Variants in RAD51B observed in about 807,000 individuals in gnomAD.
RAD51B encodes the protein DNA repair protein RAD51 homolog 2.
In RAD51B, 38 loss-of-function variants were observed where a neutral mutation model predicts 42.2. That is an observed-to-expected ratio of 0.90 (90% confidence interval 0.70 to 1.18). RAD51B has a LOEUF of 1.18. RAD51B is among the 50% of genes most tolerant of loss of function. RAD51B has a pLI of 0.00. For synonymous variants in RAD51B, 154 were observed against 145.2 expected (o/e 1.06, Z -0.43); for missense variants, 373 against 400.7 (o/e 0.93, Z 0.59).
chr14:68,396,507 A>G (rs1376344738), intron 8 of RAD51B, among the ~76,000 whole-genome samples: 1 of 152,214 alleles, frequency 6.6e-6, no homozygotes, highest in African/African-American at 2.4e-5. Context: ...GAAACATCCT[A>G]AGATACAGAA....
chr14:68,634,699 G>A (rs921906194), intron 10 of RAD51B, among the ~76,000 whole-genome samples: 3 of 152,184 alleles, frequency 2.0e-5, no homozygotes, highest in African/African-American at 7.2e-5. Context: ...GGGTGAGACG[G>A]AGGTGGAGCC....
intron 7 of RAD51B, among the ~76,000 whole-genome samples, chr14:67,890,409 T>C (rs1025107978): frequency 6.6e-6 from 1 of 151,836 alleles, no homozygotes; most frequent in Non-Finnish European, 1.5e-5. Context: ...CAGAATTTTC[T>C]TTTTTTCTGA....
At chr14:68,346,887 T>C (rs1302169254) in intron 8 of RAD51B, among the ~76,000 whole-genome samples, 1 of 152,144 alleles carries the variant, frequency 6.6e-6, no homozygotes, top group Non-Finnish European at 1.5e-5. Context: ...TAGGATAGTT[T>C]ACATTTTTGG....
chr14:67,955,679 CAT>C (rs952991959), intron 7 of RAD51B, among the ~76,000 whole-genome samples: 13 of 152,122 alleles, frequency 8.5e-5, no homozygotes, highest in African/African-American at 2.9e-4. Context: ...AAAAATAAAA[CAT>C]ATTAGATTCT....
chr14:67,968,242 CTG>C (rs151267899), intron 7 of RAD51B, among the ~76,000 whole-genome samples: 55 of 152,294 alleles, frequency 3.6e-4, no homozygotes, highest in African/African-American at 1.3e-3. Context: ...GCTTCTGGGT[CTG>C]TGATGAGAGG....
In RAD51B at chr14:68,651,899, G is replaced by A. The variant is rs2064826; in HGVS notation, c.*11+1043G>A. On this transcript the variant is annotated intron_variant, in intron 11 of 11. Transcript: ENST00000488612. ...TCCAGCAAGGACCCTGAATCATCCCGGAACCGTCTTGGTGCTGTGGTAGAC... is the reference window on the plus strand; with the variant it reads ...TCCAGCAAGGACCCTGAATCATCCCAGAACCGTCTTGGTGCTGTGGTAGAC... Among the ~76,000 whole-genome samples the A allele has an allele frequency of 1.4e-3, 209 of 152,228 alleles. 2 individuals carry two copies. Among genetic ancestry groups the A allele is most frequent in the African/African-American group, 4.8e-3 (199 of 41,532 alleles).
chr14:68,578,596 CT>C (rs1189827718), intron 10 of RAD51B, among the ~76,000 whole-genome samples: 4 of 152,154 alleles, frequency 2.6e-5, no homozygotes, highest in Non-Finnish European at 5.9e-5. Flanking sequence ...TCCTGAATGT[CT>C]TTGGATAGCC....
intron 7 of RAD51B, among the ~76,000 whole-genome samples, chr14:67,909,798 A>G (rs1254753098): frequency 6.6e-6 from 1 of 152,096 alleles, no homozygotes; most frequent in Non-Finnish European, 1.5e-5. Flanking sequence ...CTACAGGCAC[A>G]CACCACACAC....
chr14:68,309,474 A>C (rs539408999), intron 8 of RAD51B, among the ~76,000 whole-genome samples: 1 of 152,318 alleles, frequency 6.6e-6, no homozygotes, highest in South Asian at 2.1e-4. Flanking sequence ...AAGAAAAATC[A>C]CGGAGAGGTA....
At chr14:68,154,452 C>G (rs1038831013) in intron 7 of RAD51B, among the ~76,000 whole-genome samples, 1 of 152,210 alleles carries the variant, frequency 6.6e-6, no homozygotes, top group Non-Finnish European at 1.5e-5. Flanking sequence ...CCTCTCAGAG[C>G]ATTCTTTCTC....
chr14:68,360,885 A>G (rs781533976), intron 8 of RAD51B, among the ~76,000 whole-genome samples: 1 of 152,220 alleles, frequency 6.6e-6, no homozygotes, highest in Non-Finnish European at 1.5e-5. Context: ...TCTAATGATG[A>G]CAGACTGAGG....
At chr14:68,033,915 G>A (rs2076083673) in intron 7 of RAD51B, among the ~76,000 whole-genome samples, 1 of 152,134 alleles carries the variant, frequency 6.6e-6, no homozygotes, top group South Asian at 2.1e-4. Context: ...GAAGGTAGTT[G>A]ATATTGACTG....
chr14:68,164,420 T>C (rs1205408659), intron 7 of RAD51B, among the ~76,000 whole-genome samples: 2 of 152,182 alleles, frequency 1.3e-5, no homozygotes, highest in African/African-American at 4.8e-5. Context: ...GTGAAAACTA[T>C]ACTTATTTTA....
chr14:67,984,567 T>G (rs2075150643), intron 7 of RAD51B, among the ~76,000 whole-genome samples: 1 of 152,222 alleles, frequency 6.6e-6, no homozygotes, highest in African/African-American at 2.4e-5. Context: ...TTTTTCTGTT[T>G]CTTTGCCTTT....
chr14:68,440,948 A>G (rs1320024451), intron 9 of RAD51B, among the ~76,000 whole-genome samples: 1 of 152,218 alleles, frequency 6.6e-6, no homozygotes, highest in African/African-American at 2.4e-5. Flanking sequence ...ATGCTTTAAC[A>G]CAGTAATCAC....
intron 7 of RAD51B, among the ~76,000 whole-genome samples, chr14:68,050,997 T>C (rs2076384065): frequency 6.6e-6 from 1 of 151,760 alleles, no homozygotes; most frequent in Non-Finnish European, 1.5e-5. Flanking sequence ...GATGAGCAGA[T>C]ATTAAATATA....
intron 7 of RAD51B, among the ~76,000 whole-genome samples, chr14:67,976,930 G>T (rs2075006938): frequency 6.6e-6 from 1 of 152,128 alleles, no homozygotes; most frequent in Non-Finnish European, 1.5e-5. Context: ...CTTCTCAAAA[G>T]AAGACATTTA....
intron 7 of RAD51B, among the ~76,000 whole-genome samples, chr14:68,073,017 G>C (rs547333243): frequency 6.6e-6 from 1 of 152,114 alleles, no homozygotes; most frequent in African/African-American, 2.4e-5. Context: ...GTTTTTGTTG[G>C]GTGCAGTGTT....
chr14:67,917,311 G>A (rs890246824), intron 7 of RAD51B, among the ~76,000 whole-genome samples: 1 of 152,174 alleles, frequency 6.6e-6, no homozygotes, highest in African/African-American at 2.4e-5. Context: ...CAACTTCCGC[G>A]GAGGCCTCAG....
Sources: allele counts gnomAD v4.1 joint callset (sites outside exome capture counted in the v4.1 genomes callset), GRCh38; gene constraint gnomAD v4.1.1; transcripts MANE v1.5; gene names NCBI Gene and HGNC (gene_info 2026-07-23, HGNC 2026-07-21).